UNC79: variants seen among roughly 807,000 people sequenced by gnomAD.
The protein encoded by UNC79 is unc-79 subunit of NALCN channel complex.
A neutral mutation model predicts 283.1 loss-of-function variants in UNC79; 37 were observed. That is an observed-to-expected ratio of 0.13 (90% confidence interval 0.10 to 0.17). UNC79 has a LOEUF of 0.17. UNC79 is among the 10% of genes least tolerant of loss of function. The probability of loss-of-function intolerance (pLI) is 1.00; values close to 1 mark genes in which losing one functional copy is unlikely to be tolerated. For synonymous variants in UNC79, 1,107 were observed against 1,200.2 expected (o/e 0.92, Z 1.61); for missense variants, 2,272 against 3,211.1 (o/e 0.71, Z 7.07).
chr14:93,621,893 A>G lies in UNC79; in HGVS notation c.4660A>G (p.Thr1554Ala), dbSNP rs201443771. The G allele has an allele frequency of 4.3e-6, 7 of 1,613,994 alleles. No individual in the cohort carries two copies. Among genetic ancestry groups the G allele is most frequent in the Non-Finnish European group, 5.9e-6 (7 of 1,180,016 alleles). Reference sequence around the variant, plus strand: ...TGGACGTTCTAGACAGAACTCTGCTACGAGGCCTGACAATAGTGAAATCCC... The same window carrying G: ...TGGACGTTCTAGACAGAACTCTGCTGCGAGGCCTGACAATAGTGAAATCCC... Residue 1554 changes from threonine to alanine, a missense_variant, in exon 30 of 49, where the codon ACG becomes GCG. Thr to Ala is a moderately conservative substitution (Grantham distance 58). Around this residue, in one of 11 missense-constraint regions of UNC79, gnomAD observed 580 missense variants for 632.2 expected, o/e 0.92. Coordinates refer to ENST00000555664, the Ensembl canonical transcript of UNC79. The surrounding 1 kb of genome is among the most constrained non-coding windows in gnomAD (Gnocchi z 4.8).
chr14:93,502,906 G>A (rs1451023708), intron 7 of UNC79, among the ~76,000 whole-genome samples: 1 of 152,190 alleles, frequency 6.6e-6, no homozygotes, highest in African/African-American at 2.4e-5. Context: ...TTAAGTGCAA[G>A]AAGGTCTACC....
At chr14:93,514,911 TATG>T (rs2059985762) in intron 7 of UNC79, among the ~76,000 whole-genome samples, 1 of 152,224 alleles carries the variant, frequency 6.6e-6, no homozygotes, top group Non-Finnish European at 1.5e-5. Context: ...AGCTTTTTAT[TATG>T]GTTGTAACTG....
In UNC79 at chr14:93,425,061, T is replaced by C. The variant is rs574804850; in HGVS notation, c.-350-42610T>C. Among the ~76,000 whole-genome samples, 76 of 152,330 alleles carry C rather than the reference T, an allele frequency of 5.0e-4. 2 individuals are homozygous for C. The South Asian group carries it at 6.2e-3, about 12-fold the overall frequency. Reference sequence around the variant, plus strand: ...CAGGTGTATTAGTCCATTTTCATGCTGCTATAAAGGACTGCCTGAGACTGG... The same window carrying C: ...CAGGTGTATTAGTCCATTTTCATGCCGCTATAAAGGACTGCCTGAGACTGG... On this transcript the variant is annotated intron_variant, in intron 1 of 49. Transcript: ENST00000256339.
At chr14:93,421,807 T>A (rs1239789393) in intron 1 of UNC79, among the ~76,000 whole-genome samples, 1 of 150,466 alleles carries the variant, frequency 6.6e-6, no homozygotes, top group African/African-American at 2.4e-5. Flanking sequence ...AGAACATTTA[T>A]CATGGCCAAA....
intron 48 of UNC79, 106 bp from the exon 52 acceptor site, chr14:93,706,598 C>T (rs763124871): frequency 6.7e-5 from 89 of 1,322,956 alleles, no homozygotes; most frequent in Non-Finnish European, 8.7e-5. Context: ...GCCAGACAAC[C>T]CTTGAGCCAA....
rs1198738956 is a variant in UNC79, at chr14:93,617,578, T to C, written c.4224+274T>C. Among the ~76,000 whole-genome samples, 1 of 152,222 alleles carries C rather than the reference T, an allele frequency of 6.6e-6. No homozygotes were observed. Among genetic ancestry groups the C allele is most frequent in the Non-Finnish European group, 1.5e-5 (1 of 68,036 alleles). On this transcript the variant is annotated intron_variant, in intron 28 of 48. Coordinates refer to ENST00000555664, the Ensembl canonical transcript of UNC79. This position sits in a 1 kb window ranked among gnomAD's most constrained non-coding sequence, Gnocchi z 4.5. ...GAACCTCTGTTTATACTCAGTCTTG[T>C]ATTTTGTCTAAGTATTATTATTTCA...
At chr14:93,567,095 A>G (rs929762084) in intron 14 of UNC79, among the ~76,000 whole-genome samples, 3 of 152,198 alleles carry the variant, frequency 2.0e-5, no homozygotes, top group African/African-American at 7.2e-5. Context: ...TTATGAATGG[A>G]CCATAGCCTA....
At chr14:93,583,952 T>G (rs2064020940) in intron 20 of UNC79, among the ~76,000 whole-genome samples, 1 of 151,946 alleles carries the variant, frequency 6.6e-6, no homozygotes, top group African/African-American at 2.4e-5. Flanking sequence ...ACCACAGACA[T>G]GCTCCACCAT....
chr14:93,563,498 G>A (rs746052245), intron 14 of UNC79, among the ~76,000 whole-genome samples: 1 of 152,306 alleles, frequency 6.6e-6, no homozygotes. Flanking sequence ...ATATTGATGC[G>A]TAGTCCCTTT....
At chr14:93,546,055 C>T (rs2061585275) in intron 14 of UNC79, among the ~76,000 whole-genome samples, 1 of 152,000 alleles carries the variant, frequency 6.6e-6, no homozygotes, top group Non-Finnish European at 1.5e-5. Context: ...GGGTGTCAGA[C>T]ATGCAAAAAA....
chr14:93,464,713 G>A (rs1482700187), intron 1 of UNC79: 1 of 407,922 alleles, frequency 2.5e-6, no homozygotes, highest in Non-Finnish European at 4.8e-6. Context: ...GGTCAGTTGA[G>A]GTTGAAGATC....
intron 1 of UNC79, among the ~76,000 whole-genome samples, chr14:93,379,027 C>G (rs2054614612): frequency 6.6e-6 from 1 of 152,084 alleles, no homozygotes; most frequent in African/African-American, 2.4e-5. Context: ...AAGTCTGGAT[C>G]AGGAGGAGCA....
intron 23 of UNC79, among the ~76,000 whole-genome samples, chr14:93,595,287 G>A (rs1053753374): frequency 2.0e-5 from 3 of 151,602 alleles, no homozygotes; most frequent in Non-Finnish European, 2.9e-5. Context: ...ATGGGGTTTC[G>A]CCATGTTGGC....
In UNC79 at chr14:93,497,237, T is replaced by C. The variant is rs750258317; in HGVS notation, c.849T>C (p.Asn283=). Residue 283 remains asparagine, a synonymous_variant, in exon 7 of 49, where the codon AAT becomes AAC. Transcript: ENST00000555664. ...AAATGCTTTTCCACTACTGGCCCAA[T>C]TTAAAACCTCCTGGGGCAATAAGCG... 5 of 1,613,606 alleles carry C rather than the reference T, an allele frequency of 3.1e-6. No homozygotes were observed. The Admixed American group carries it at 8.3e-5, about 27-fold the overall frequency.
At chr14:93,455,758 C>T (rs1054561019) in intron 1 of UNC79, among the ~76,000 whole-genome samples, 2 of 152,196 alleles carry the variant, frequency 1.3e-5, no homozygotes, top group Admixed American at 6.5e-5. Flanking sequence ...GATATGATTA[C>T]CCCCACTTTA....
intron 46 of UNC79, 28 bp downstream of exon 49, chr14:93,691,974 G>A (rs756167747): frequency 6.2e-7 from 1 of 1,611,436 alleles, no homozygotes; most frequent in Non-Finnish European, 8.5e-7. Context: ...TTTCCCTTCT[G>A]AGATGGAATC....
At chr14:93,423,091 A>AG (rs2055640532) in intron 1 of UNC79, among the ~76,000 whole-genome samples, 2 of 139,064 alleles carry the variant, frequency 1.4e-5, no homozygotes, top group African/African-American at 5.4e-5. Flanking sequence ...AAAAAAAAAA[A>AG]GAAAAGAAGT....
At chr14:93,412,243 TAAAAG>T (rs757112772) in intron 1 of UNC79, among the ~76,000 whole-genome samples, 1 of 150,962 alleles carries the variant, frequency 6.6e-6, no homozygotes, top group African/African-American at 2.4e-5. Context: ...ATGGAGGAGA[TAAAAG>T]AAAAAAATAG....
intron 14 of UNC79, among the ~76,000 whole-genome samples, chr14:93,557,926 T>G (rs1192445710): frequency 3.3e-5 from 5 of 152,190 alleles, no homozygotes; most frequent in African/African-American, 1.2e-4. Flanking sequence ...CCTTTCAGAC[T>G]GGCTGCCTTA....
Sources: allele counts gnomAD v4.1 joint callset (sites outside exome capture counted in the v4.1 genomes callset), GRCh38; gene constraint gnomAD v4.1.1; regional missense constraint gnomAD v4.1.1; non-coding constraint Gnocchi (gnomAD v3.1); transcripts MANE v1.5; gene names NCBI Gene and HGNC (gene_info 2026-07-23, HGNC 2026-07-21).